Variants in CTNNA2 observed in about 807,000 individuals in gnomAD.
CTNNA2 encodes catenin alpha 2, also known as catenin alpha-2.
CTNNA2 carries 42 observed loss-of-function variants against 101.0 expected under a neutral mutation model. The observed-to-expected ratio is 0.42, with a 90% CI of 0.32 to 0.54. CTNNA2 has a LOEUF of 0.54. Ranked by LOEUF, CTNNA2 falls within the 20% of genes least tolerant of loss-of-function variation. The probability of loss-of-function intolerance (pLI) is 0.14; values close to 1 mark genes in which losing one functional copy is unlikely to be tolerated. For missense variants in CTNNA2, 871 were observed against 1,223.1 expected, an observed-to-expected ratio of 0.71 and a Z score of 4.29; for synonymous variants, 450 against 456.4, an observed-to-expected ratio of 0.99 and a Z score of 0.18.
At chr2:79,869,365 G>A (rs1214834895) in intron 4 of CTNNA2, among the ~76,000 whole-genome samples, 1 of 152,190 alleles carries the variant, frequency 6.6e-6, no homozygotes, top group Non-Finnish European at 1.5e-5. Context: ...TAGAGATGTT[G>A]TCAACATTGG....
chr2:79,958,698 G>A (rs867092158), intron 7 of CTNNA2, among the ~76,000 whole-genome samples: 4 of 152,082 alleles, frequency 2.6e-5, no homozygotes, highest in African/African-American at 7.2e-5. Context: ...CATTTGAGTC[G>A]TATTAAGCAA....
At chr2:80,233,401 A>G (rs1302530762) in intron 7 of CTNNA2, among the ~76,000 whole-genome samples, 1 of 152,086 alleles carries the variant, frequency 6.6e-6, no homozygotes, top group Admixed American at 6.6e-5. Context: ...GCATTTTAAT[A>G]CTTATGGCCT....
chr2:79,389,297 T>C (rs1179396170), intron 4 of CTNNA2, among the ~76,000 whole-genome samples: 1 of 152,160 alleles, frequency 6.6e-6, no homozygotes, highest in Non-Finnish European at 1.5e-5. Context: ...AACAAAAATT[T>C]GATTGATCTA....
chr2:80,115,357 G>A (rs79845019), intron 7 of CTNNA2, among the ~76,000 whole-genome samples: 141 of 152,260 alleles, frequency 9.3e-4, no homozygotes, highest in African/African-American at 3.2e-3. Flanking sequence ...ATGATAATTG[G>A]TTGAGAGAAT....
At chr2:80,574,346 C>G in intron 13 of CTNNA2, 32 bp downstream of exon 13, 2 of 1,546,394 alleles carry the variant, frequency 1.3e-6, no homozygotes, top group Non-Finnish European at 1.8e-6. Context: ...CAGAGCTGGT[C>G]AGATCTCCTA....
At position 79,874,118 on chromosome 2, in the gene CTNNA2, C is replaced by A. The variant is rs1282303305; in HGVS notation, c.628C>A (p.Arg210=). Residue 210 remains arginine, a synonymous_variant, in exon 6 of 19, where the codon CGA becomes AGA. Coordinates refer to ENST00000402739, the MANE Select transcript of CTNNA2 (RefSeq NM_001282597.3). ...PHCRDEMAAA[R]GALKKNATML... is the part of the protein sequence containing the mutation. ...CTGTCGGGATGAGATGGCAGCCGCC[C>A]GAGGGGCTCTGAAGAAGAATGCCAC... 7 of 1,614,064 alleles carry A rather than the reference C, an allele frequency of 4.3e-6. No individual in the cohort carries two copies. The highest frequency in any genetic ancestry group is 1.3e-5 in the African/African-American group (1 of 74,926).
In CTNNA2 at chr2:79,555,934, C is replaced by A. The variant is rs1043818578; in HGVS notation, c.-6+42727C>A. On this transcript the variant is annotated intron_variant, in intron 1 of 18. Transcript: ENST00000402739. Reference sequence around the variant, plus strand: ...TGTAAGAAATTTACTTGCTCAGATACCTTTTTGGTTCTATAAATGGGTCCA... The same window carrying A: ...TGTAAGAAATTTACTTGCTCAGATAACTTTTTGGTTCTATAAATGGGTCCA... Among the ~76,000 whole-genome samples, 5 of 151,942 alleles carry A rather than the reference C, an allele frequency of 3.3e-5. No individual in the cohort carries two copies. In the South Asian group the frequency reaches 6.2e-4, roughly 19 times the overall value.
At chr2:79,646,008 A>T (rs904806196) in intron 1 of CTNNA2, among the ~76,000 whole-genome samples, 3 of 152,180 alleles carry the variant, frequency 2.0e-5, no homozygotes, top group African/African-American at 7.2e-5. Flanking sequence ...AAAAAAATTC[A>T]TGAGGAGAAT....
chr2:80,333,348 G>A (rs995239451), intron 7 of CTNNA2, among the ~76,000 whole-genome samples: 1 of 152,126 alleles, frequency 6.6e-6, no homozygotes, highest in Non-Finnish European at 1.5e-5. Flanking sequence ...TCCTGCGTTG[G>A]GCTTTGTGGG....
At chr2:80,472,246 T>C (rs1159747680) in intron 9 of CTNNA2, among the ~76,000 whole-genome samples, 1 of 152,132 alleles carries the variant, frequency 6.6e-6, no homozygotes, top group Non-Finnish European at 1.5e-5. Context: ...ATAGGATGAT[T>C]ATGGTGATCC....
At chr2:79,527,126 A>C (rs1338569096) in intron 1 of CTNNA2, among the ~76,000 whole-genome samples, 3 of 152,182 alleles carry the variant, frequency 2.0e-5, no homozygotes, top group Non-Finnish European at 2.9e-5. Flanking sequence ...CTATTCTTCC[A>C]AATTTATAAA....
rs1299352779 is a variant in CTNNA2 at position 79,964,365 on chromosome 2, G to A, written c.1056+54568G>A. Among the ~76,000 whole-genome samples the A allele has an allele frequency of 3.3e-5, 5 of 151,662 alleles. No homozygotes were observed. The East Asian group carries it at 5.8e-4, about 18-fold the overall frequency. On this transcript the variant is annotated intron_variant, in intron 7 of 18. Transcript: ENST00000402739. ...ACTTACTGATGATCTTCACAATATT[G>A]CTTAAATTTATGAATGGGAGAGCCA...
At chr2:80,300,280 G>GT (rs1328813358) in intron 7 of CTNNA2, among the ~76,000 whole-genome samples, 558 of 42,414 alleles carry the variant, frequency 0.013, 5 homozygotes, top group African/African-American at 0.02. Flanking sequence ...TGGGGTGTTG[G>GT]GGTGTGTGTG....
At chr2:80,361,095 T>A (rs1337280898) in intron 7 of CTNNA2, among the ~76,000 whole-genome samples, 1 of 152,028 alleles carries the variant, frequency 6.6e-6, no homozygotes, top group Non-Finnish European at 1.5e-5. Context: ...TTTATTTTGT[T>A]CTCCCATTAA....
chr2:79,712,831 T>C (rs941936110), intron 2 of CTNNA2, among the ~76,000 whole-genome samples: 2 of 152,208 alleles, frequency 1.3e-5, no homozygotes, highest in Non-Finnish European at 2.9e-5. Context: ...AAAGAATTTG[T>C]GGATGCAGTC....
chr2:79,905,427 A>G (rs1319430968), intron 6 of CTNNA2, among the ~76,000 whole-genome samples: 2 of 152,218 alleles, frequency 1.3e-5, no homozygotes, highest in African/African-American at 2.4e-5. Flanking sequence ...AATGTAAAAG[A>G]ATGAACTAAA....
intron 15 of CTNNA2, chr2:80,601,529 T>C (rs985219962): frequency 2.0e-5 from 3 of 151,506 alleles, no homozygotes; most frequent in Admixed American, 6.6e-5. Context: ...TGATAATTTA[T>C]ATTCTCCTAG....
At chr2:79,216,309 A>G (rs1053276643) in intron 2 of CTNNA2, among the ~76,000 whole-genome samples, 32 of 134,992 alleles carry the variant, frequency 2.4e-4, no homozygotes, top group South Asian at 2.6e-4. Context: ...GTTGCCCATA[A>G]TGAAGGAGGC....
At chr2:79,675,393 A>G (rs999504492) in intron 2 of CTNNA2, among the ~76,000 whole-genome samples, 1 of 152,198 alleles carries the variant, frequency 6.6e-6, no homozygotes, top group African/African-American at 2.4e-5. Flanking sequence ...TAGAGAAGGC[A>G]TTTAGGTAAA....
Sources: allele counts gnomAD v4.1 joint callset (sites outside exome capture counted in the v4.1 genomes callset), GRCh38; gene constraint gnomAD v4.1.1; transcripts MANE v1.5; gene names NCBI Gene and HGNC (gene_info 2026-07-23, HGNC 2026-07-21).